The following BAZ1A variants were observed in gnomAD, a reference collection of about 807,000 sequenced individuals.
BAZ1A encodes the protein bromodomain adjacent to zinc finger domain 1A.
A neutral mutation model predicts 185.2 loss-of-function variants in BAZ1A; 50 were observed. The ratio of observed to expected loss-of-function variants is 0.27; its 90% CI spans 0.22 to 0.34. The LOEUF is 0.34. BAZ1A is among the 10% of genes least tolerant of loss of function. BAZ1A has a pLI of 1.00. For synonymous variants in BAZ1A, 571 were observed against 615.6 expected, an observed-to-expected ratio of 0.93 and a Z score of 1.07; for missense variants, 1,356 against 1,839.9, an observed-to-expected ratio of 0.74 and a Z score of 4.81.
At chr14:34,758,673 A>G in intron 25 of BAZ1A, 31 bp downstream of exon 25, 1 of 1,605,986 alleles carries the variant, frequency 6.2e-7, no homozygotes, top group African/African-American at 1.3e-5. Context: ...GATAATATAC[A>G]GGAATACATT....
rs541006890 is a variant in BAZ1A at position 34,763,640 on chromosome 14, T to G, written c.3776+1067A>C. Among the ~76,000 whole-genome samples the G allele has an allele frequency of 5.9e-5, 9 of 152,324 alleles. No individual in the cohort carries two copies. The South Asian group carries it at 1.2e-3, about 21-fold the overall frequency. On this transcript the variant is annotated intron_variant, in intron 23 of 26. Coordinates refer to ENST00000360310, the MANE Select transcript of BAZ1A (RefSeq NM_013448.3). ...TTTTTTTTTAAACAAACTGAAGGTT[T>G]GTGGCAATTCTGCATCAAGCAAGTT... is the stretch of plus-strand genomic sequence containing the variant.
intron 5 of BAZ1A, among the ~76,000 whole-genome samples, chr14:34,808,299 G>T (rs932598332): frequency 2.0e-5 from 3 of 151,872 alleles, no homozygotes; most frequent in African/African-American, 7.3e-5. Flanking sequence ...TTCGAGACCA[G>T]CCTGGCCAAC....
At chr14:34,802,200 C>A (rs1337871332) in intron 7 of BAZ1A, among the ~76,000 whole-genome samples, 1 of 152,038 alleles carries the variant, frequency 6.6e-6, no homozygotes, top group African/African-American at 2.4e-5. Context: ...ATGTCTCTAA[C>A]CTAATTAATT....
intron 23 of BAZ1A, among the ~76,000 whole-genome samples, chr14:34,762,484 AT>A (rs112735113): frequency 6.8e-4 from 99 of 145,240 alleles, no homozygotes; most frequent in East Asian, 5.9e-4. Context: ...TCTTTTCTTT[AT>A]TTTTTTTTTT....
At chr14:34,835,677 T>G (rs1290653814) in intron 3 of BAZ1A, among the ~76,000 whole-genome samples, 1 of 151,656 alleles carries the variant, frequency 6.6e-6, no homozygotes, top group Non-Finnish European at 1.5e-5. Flanking sequence ...ATAGTTTTTT[T>G]TTTTTTTTTC....
chr14:34,796,003 T>C (rs1881170428), intron 9 of BAZ1A, among the ~76,000 whole-genome samples: 1 of 151,954 alleles, frequency 6.6e-6, no homozygotes, highest in South Asian at 2.1e-4. Context: ...AATAATACTA[T>C]AAAGACTGAA....
rs534051404 is a variant in BAZ1A, at chr14:34,756,114, T to A, written c.4387-1200A>T. ...CCTCAGCCTCCCAAACTGGTTTTTTTCTTTTTTTTTTTTTTTTGAGACAGA... is the reference window on the plus strand; with the variant it reads ...CCTCAGCCTCCCAAACTGGTTTTTTACTTTTTTTTTTTTTTTTGAGACAGA... On this transcript the variant is annotated intron_variant, in intron 25 of 26. Coordinates refer to ENST00000360310, the MANE Select transcript of BAZ1A (RefSeq NM_013448.3). Among the ~76,000 whole-genome samples, 542 of 119,838 alleles carry A rather than the reference T, an allele frequency of 4.5e-3. 5 individuals are homozygous for A. Among genetic ancestry groups the A allele is most frequent in the African/African-American group, 0.015 (531 of 34,502 alleles). The allele number at this position is 119,838 out of a possible 152,430, so 78.6% of individuals were successfully genotyped here.
intron 5 of BAZ1A, among the ~76,000 whole-genome samples, chr14:34,808,483 G>A (rs1255826073): frequency 6.6e-6 from 1 of 152,086 alleles, no homozygotes; most frequent in African/African-American, 2.4e-5. Context: ...CGGAGACAGA[G>A]TGAGACTCTG....
intron 2 of BAZ1A, among the ~76,000 whole-genome samples, chr14:34,872,929 A>AG (rs912365468): frequency 6.8e-6 from 1 of 147,390 alleles, no homozygotes; most frequent in African/African-American, 2.5e-5. Context: ...AAAAAAAAAA[A>AG]AAAAAAAAAA....
chr14:34,791,240 C>T (rs1023426368), intron 12 of BAZ1A, among the ~76,000 whole-genome samples: 4 of 152,124 alleles, frequency 2.6e-5, no homozygotes, highest in African/African-American at 9.7e-5. Flanking sequence ...CATACTATTT[C>T]CTTTTTACCG....
At chr14:34,801,590 C>T (rs1007697607) in intron 7 of BAZ1A, among the ~76,000 whole-genome samples, 3 of 152,152 alleles carry the variant, frequency 2.0e-5, no homozygotes, top group African/African-American at 7.2e-5. Context: ...GCCACTGTGC[C>T]CAGTCTAAAA....
intron 4 of BAZ1A, among the ~76,000 whole-genome samples, chr14:34,819,461 CT>C (rs1339295840): frequency 1.3e-5 from 2 of 152,130 alleles, no homozygotes; most frequent in Non-Finnish European, 2.9e-5. Context: ...AGTATGTAGA[CT>C]TTTCAGATTG....
intron 3 of BAZ1A, among the ~76,000 whole-genome samples, chr14:34,847,486 G>A (rs1444293395): frequency 3.9e-5 from 6 of 152,134 alleles, no homozygotes; most frequent in East Asian, 1.9e-4. Flanking sequence ...TCTTTGAGCC[G>A]AAATAAGAAG....
At chr14:34,843,378 C>T (rs1284987870) in intron 3 of BAZ1A, among the ~76,000 whole-genome samples, 1 of 152,176 alleles carries the variant, frequency 6.6e-6, no homozygotes, top group Non-Finnish European at 1.5e-5. Context: ...TTGGGGCTTG[C>T]TCTCTCTCGC....
chr14:34,787,990 T>C (rs780432125), intron 12 of BAZ1A, among the ~76,000 whole-genome samples: 1 of 152,088 alleles, frequency 6.6e-6, no homozygotes, highest in Non-Finnish European at 1.5e-5. Context: ...AATGTGCCAT[T>C]GAGACAAGTC....
chr14:34,803,916 T>C (rs1881713925), intron 6 of BAZ1A, among the ~76,000 whole-genome samples: 1 of 152,228 alleles, frequency 6.6e-6, no homozygotes, highest in Non-Finnish European at 1.5e-5. Context: ...AGAAATGGTG[T>C]GGTTCTAGAA....
At chr14:34,756,363 C>A (rs1387793559) in intron 25 of BAZ1A, among the ~76,000 whole-genome samples, 4 of 151,626 alleles carry the variant, frequency 2.6e-5, no homozygotes, top group Non-Finnish European at 5.9e-5. Context: ...GATCTGCCCA[C>A]CTCGGCCTCC....
chr14:34,870,795 C>T (rs768762543), intron 2 of BAZ1A, among the ~76,000 whole-genome samples: 17 of 152,114 alleles, frequency 1.1e-4, no homozygotes, highest in Admixed American at 2.6e-4. Flanking sequence ...TTTTGGACAC[C>T]GTAATCTTGG....
chr14:34,872,929 A>AAAAAAAC (rs1555346589), intron 2 of BAZ1A, among the ~76,000 whole-genome samples: 1 of 147,390 alleles, frequency 6.8e-6, no homozygotes, highest in East Asian at 1.9e-4. Context: ...AAAAAAAAAA[A>AAAAAAAC]AAAAAAAAAA....
Sources: allele counts gnomAD v4.1 joint callset (sites outside exome capture counted in the v4.1 genomes callset), GRCh38; gene constraint gnomAD v4.1.1; transcripts MANE v1.5; gene names NCBI Gene and HGNC (gene_info 2026-07-23, HGNC 2026-07-21).